Variants in DPP6 observed in about 807,000 individuals in gnomAD.
DPP6 encodes the protein dipeptidyl peptidase like 6.
DPP6 carries 69 observed loss-of-function variants against 122.6 expected under a neutral mutation model. The ratio of observed to expected loss-of-function variants is 0.56; its 90% CI spans 0.46 to 0.69. The LOEUF (loss-of-function observed/expected upper bound fraction) is 0.69, where lower values mean the gene tolerates loss of function less well. Ranked by LOEUF, DPP6 falls within the 30% of genes least tolerant of loss-of-function variation. DPP6 has a pLI of 0.00. For missense variants in DPP6, 928 were observed against 1,116.9 expected (o/e 0.83, Z 2.41); for synonymous variants, 418 against 433.1 (o/e 0.97, Z 0.43).
At chr7:154,580,149 T>TCA (rs957372398) in intron 5 of DPP6, among the ~76,000 whole-genome samples, 23 of 94,654 alleles carry the variant, frequency 2.4e-4, no homozygotes, top group Non-Finnish European at 1.5e-4. Flanking sequence ...TCTCTCCCCC[T>TCA]TACACACACA....
chr7:154,745,085 G>A (rs1842976482), intron 8 of DPP6, among the ~76,000 whole-genome samples: 1 of 152,268 alleles, frequency 6.6e-6, no homozygotes, highest in African/African-American at 2.4e-5. Flanking sequence ...GTTTAACATG[G>A]AAAATTAACT....
intron 1 of DPP6, among the ~76,000 whole-genome samples, chr7:154,309,324 C>A (rs1295414026): frequency 6.6e-6 from 1 of 152,052 alleles, no homozygotes; most frequent in East Asian, 1.9e-4. Context: ...TAGATAACTC[C>A]CCATGTGTCT....
intron 1 of DPP6, among the ~76,000 whole-genome samples, chr7:154,394,123 T>A (rs1455848216): frequency 6.6e-6 from 1 of 152,202 alleles, no homozygotes; most frequent in Non-Finnish European, 1.5e-5. Flanking sequence ...AATTGCTGGA[T>A]CATATGGTTA....
At chr7:154,121,734 G>A (rs1563219574) in intron 1 of DPP6, among the ~76,000 whole-genome samples, 1 of 152,172 alleles carries the variant, frequency 6.6e-6, no homozygotes, top group Non-Finnish European at 1.5e-5. Context: ...AGGTGCACTG[G>A]GGGGACATGT....
intron 1 of DPP6, among the ~76,000 whole-genome samples, chr7:154,137,658 T>TGGGGGGGGGGGGGG (rs1163077821): frequency 2.1e-5 from 1 of 48,382 alleles, no homozygotes. Context: ...GGTGGGGGGG[T>TGGGGGGGGGGGGGG]GGGGGGGGTG....
chr7:154,270,544 C>T (rs896092952), intron 1 of DPP6, among the ~76,000 whole-genome samples: 11 of 152,140 alleles, frequency 7.2e-5, no homozygotes, highest in African/African-American at 2.4e-4. Context: ...CCATGTCCCC[C>T]AGAGGATGCT....
rs148919900 is a variant in DPP6 at position 154,394,131 on chromosome 7, T to G, written c.244-52083T>G. ...GAAGTGGAATTGCTGGATCATATGGTTATTTCATTTTTAATATTTTGAGGA... is the reference window on the plus strand; with the variant it reads ...GAAGTGGAATTGCTGGATCATATGGGTATTTCATTTTTAATATTTTGAGGA... On this transcript the variant is annotated intron_variant, in intron 1 of 25. Transcript: ENST00000377770. Among the ~76,000 whole-genome samples, 494 of 152,296 alleles carry G rather than the reference T, an allele frequency of 3.2e-3. 11 individuals carry two copies. The highest frequency in any genetic ancestry group is 0.025 in the Admixed American group (386 of 15,292).
Position 154,090,297 on chromosome 7 carries a change from A to T in DPP6, c.243+37234A>T, listed in dbSNP as rs142800384. ...GCTATCCCCCGACCTGCAAATTCAC[A>T]CAATGAGCCAACTGGCCACATGCTC... On this transcript the variant is annotated intron_variant, in intron 1 of 25. Transcript: ENST00000377770. Among the ~76,000 whole-genome samples the T allele has an allele frequency of 1.3e-3, 194 of 152,330 alleles. 1 individual carries two copies. Among genetic ancestry groups the T allele is most frequent in the African/African-American group, 4.5e-3 (189 of 41,568 alleles).
chr7:154,293,881 C>T (rs1247764868), intron 1 of DPP6, among the ~76,000 whole-genome samples: 2 of 152,172 alleles, frequency 1.3e-5, no homozygotes, highest in Admixed American at 6.5e-5. Context: ...CCCTGATACA[C>T]ACATTATTTC....
the DPP6 span, among the ~76,000 whole-genome samples, chr7:153,842,476 A>T: frequency 2.0e-5 from 3 of 151,266 alleles, no homozygotes; most frequent in African/African-American, 7.3e-5. Flanking sequence ...TTATTTTTCT[A>T]TTTTGCATTC....
chr7:154,834,661 G>C (rs994774544), intron 16 of DPP6, among the ~76,000 whole-genome samples: 1 of 152,380 alleles, frequency 6.6e-6, no homozygotes, highest in South Asian at 2.1e-4. Context: ...GTGAGCAGAA[G>C]CGCTAAAGCG....
In DPP6 at chr7:154,446,292, T is replaced by G. The variant is rs1239086480; in HGVS notation, c.322T>G (p.Ser108Ala). The G allele has an allele frequency of 6.2e-7, 1 of 1,612,270 alleles. No homozygotes were observed. Among genetic ancestry groups the G allele is most frequent in the Non-Finnish European group, 8.5e-7 (1 of 1,179,064 alleles). ...IALLVILVICSLIVTSVILLT... is the reference protein window; with the variant it reads ...IALLVILVICALIVTSVILLT... ...ACTGCTTGTCATTCTGGTCATCTGCTCCTTGATCGTCACCTCGGTCATACT... is the reference window on the plus strand; with the variant it reads ...ACTGCTTGTCATTCTGGTCATCTGCGCCTTGATCGTCACCTCGGTCATACT... Residue 108 changes from serine to alanine, a missense_variant, in exon 2 of 26, where the codon TCC (serine) becomes GCC (alanine). Physicochemically the swap from Ser to Ala is moderately conservative, Grantham distance 99. Transcript: ENST00000377770.
chr7:154,061,830 C>G (rs1801979095), intron 1 of DPP6, among the ~76,000 whole-genome samples: 1 of 137,428 alleles, frequency 7.3e-6, no homozygotes, highest in East Asian at 2.1e-4. Context: ...CTCTTCCCCC[C>G]TTTGCTCTTA....
chr7:154,883,220 C>T (rs1436525786), intron 21 of DPP6, among the ~76,000 whole-genome samples: 5 of 148,446 alleles, frequency 3.4e-5, no homozygotes, highest in Non-Finnish European at 7.4e-5. Context: ...CACATGCTCA[C>T]CCACACAATG....
intron 1 of DPP6, among the ~76,000 whole-genome samples, chr7:153,907,415 A>G (rs1585013673): frequency 1.3e-5 from 2 of 152,358 alleles, no homozygotes; most frequent in East Asian, 3.9e-4. Context: ...CAGGATCACG[A>G]GAGATTAGAA....
intron 1 of DPP6, among the ~76,000 whole-genome samples, chr7:154,202,575 C>T (rs1275187121): frequency 6.6e-6 from 1 of 152,178 alleles, no homozygotes; most frequent in Non-Finnish European, 1.5e-5. Context: ...CATCCTTCTG[C>T]CCCTTTCCGA....
intron 1 of DPP6, among the ~76,000 whole-genome samples, chr7:154,368,536 G>A (rs933775171): frequency 6.6e-6 from 1 of 152,126 alleles, no homozygotes; most frequent in African/African-American, 2.4e-5. Context: ...TCTCACTTTT[G>A]TTACTGTTTT....
intron 2 of DPP6, among the ~76,000 whole-genome samples, chr7:154,449,292 A>G (rs1316863713): frequency 1.3e-5 from 2 of 152,220 alleles, no homozygotes; most frequent in African/African-American, 2.4e-5. Flanking sequence ...TTCTCCAAAG[A>G]AAGACAAATG....
chr7:154,207,543 G>T (rs62484078), intron 1 of DPP6, among the ~76,000 whole-genome samples: 5 of 152,206 alleles, frequency 3.3e-5, no homozygotes, highest in Admixed American at 2.0e-4. Context: ...CAGAGGCATT[G>T]TCTGCTGAGG....
Sources: gnomAD v4.1 joint callset for allele counts (sites outside exome capture counted in the v4.1 genomes callset) on GRCh38, gnomAD v4.1.1 for gene constraint, MANE v1.5 for transcripts, NCBI Gene and HGNC (gene_info 2026-07-23, HGNC 2026-07-21) for gene names.